REL: variants seen among roughly 807,000 people sequenced by gnomAD.
REL encodes proto-oncogene c-Rel.
REL carries 15 observed loss-of-function variants against 45.9 expected under a neutral mutation model. The observed-to-expected ratio is 0.33, with a 90% CI of 0.22 to 0.50. The LOEUF is 0.50. Among genes scored for constraint, REL ranks in the 20% least tolerant of loss-of-function variants. REL has a pLI of 0.98. For missense variants in REL, 601 were observed against 715.2 expected, an observed-to-expected ratio of 0.84 and a Z score of 1.82; for synonymous variants, 239 against 242.1, an observed-to-expected ratio of 0.99 and a Z score of 0.12.
intron 5 of REL, among the ~76,000 whole-genome samples, 191 bp from the exon 6 acceptor site, chr2:60,918,000 C>G (rs1674029690): frequency 6.6e-6 from 1 of 151,860 alleles, no homozygotes; most frequent in African/African-American, 2.4e-5. Flanking sequence ...AGAAATGAAG[C>G]CACAAAGTCT....
intron 1 of REL, among the ~76,000 whole-genome samples, chr2:60,882,704 A>C (rs1672975544): frequency 6.6e-6 from 1 of 152,106 alleles, no homozygotes; most frequent in Non-Finnish European, 1.5e-5. Flanking sequence ...TGTAGTTTTT[A>C]CTGTGAGATA....
chr2:60,905,881 A>G (rs1673633038), intron 4 of REL, among the ~76,000 whole-genome samples: 1 of 152,174 alleles, frequency 6.6e-6, no homozygotes, highest in Non-Finnish European at 1.5e-5. Context: ...TTTTGAGTTC[A>G]ATATATATAC....
At chr2:60,895,744 G>C (rs1673331125) in intron 3 of REL, among the ~76,000 whole-genome samples, 1 of 152,192 alleles carries the variant, frequency 6.6e-6, no homozygotes, top group Admixed American at 6.5e-5. Context: ...TCTTGAGCCA[G>C]CTGTTCCACT....
At chr2:60,883,618 A>G (rs1343028521) in intron 1 of REL, among the ~76,000 whole-genome samples, 1 of 152,338 alleles carries the variant, frequency 6.6e-6, no homozygotes, top group East Asian at 1.9e-4. Context: ...TTATTGATAT[A>G]TTGCATGAAT....
intron 4 of REL, among the ~76,000 whole-genome samples, chr2:60,911,959 C>G (rs1362737648): frequency 7.3e-6 from 1 of 137,838 alleles, no homozygotes; most frequent in African/African-American, 2.8e-5. Context: ...GATCGTGCCA[C>G]TGCACTCCAG....
At position 60,922,354 on chromosome 2, in the gene REL, A is replaced by T; in HGVS notation, c.1583A>T (p.Asp528Val). ...SNTTVFVSQS[D>V]AFEGSDFSCA... ...ACTACTGTTTTTGTTTCACAATCAG[A>T]TGCATTTGAGGGATCTGACTTCAGT... Residue 528 changes from aspartate (D) to valine (V), a missense_variant, in exon 10 of 10, where the codon GAT (aspartate) becomes GTT (valine). This residue lies in a region of REL where 334 missense variants were observed against 333.1 expected (regional missense o/e 1.00). Transcript: ENST00000394479. 1 of 1,614,124 alleles carries T rather than the reference A, an allele frequency of 6.2e-7. No individual in the cohort carries two copies. Among genetic ancestry groups the T allele is most frequent in the Non-Finnish European group, 8.5e-7 (1 of 1,180,002 alleles).
Position 60,927,639 on chromosome 2 carries a change from G to T in REL, c.*5104G>T, listed in dbSNP as rs1038975009. 1 of 229,948 alleles carries T rather than the reference G, an allele frequency of 4.3e-6. No individual in the cohort carries two copies. The highest frequency in any genetic ancestry group is 2.2e-5 in the African/African-American group (1 of 45,148). 14.2% of individuals were successfully genotyped at this position (229,948 alleles called of 1,614,324 possible). A position where few individuals can be genotyped will look rare whatever the true frequency, so the allele number is the denominator to read the frequency against. On this transcript the variant is annotated 3_prime_UTR_variant, in exon 10 of 10. Transcript: ENST00000394479. ...GTATAACATTTTTTGAATGTCCAAT[G>T]TGCAAAGCACGATGTTGGAAATTAT...
Position 60,881,605 on chromosome 2 carries a change from T to A in REL, c.-236T>A. ...CTCTCCCCGCTCCGCCCCCTGCCCC[T>A]GGCTCCCGTACGGTGGACGGCGACG... On this transcript the variant is annotated 5_prime_UTR_variant, in exon 1 of 10. Coordinates refer to ENST00000394479, the MANE Select transcript of REL (RefSeq NM_001291746.2). 2.0e-6 allele frequency: 1 copy of A among 504,276 alleles called. No homozygotes were observed. Among genetic ancestry groups the A allele is most frequent in the Non-Finnish European group, 3.5e-6 (1 of 283,606 alleles). 31.2% of individuals were successfully genotyped at this position (504,276 alleles called of 1,614,324 possible). A position where few individuals can be genotyped will look rare whatever the true frequency, so the allele number is the denominator to read the frequency against.
chr2:60,901,150 CTTT>C (rs10565258), intron 4 of REL, 67 bp downstream of exon 4: 39,417 of 871,966 alleles, frequency 0.045, 321 homozygotes, highest in African/African-American at 0.13. Context: ...TTTTCTTTCT[CTTT>C]TTTTTTTTTT....
At chr2:60,885,296 T>C (rs550425380) in intron 1 of REL, among the ~76,000 whole-genome samples, 27 of 152,358 alleles carry the variant, frequency 1.8e-4, no homozygotes, top group South Asian at 4.1e-4. Flanking sequence ...TTCATATTTA[T>C]CTGGGCCTCC....
At position 60,929,769 on chromosome 2, in the gene REL, T is replaced by C. The variant is rs1388200342; in HGVS notation, c.*7234T>C. 3.3e-5 allele frequency: 5 copies of C among 151,696 alleles called. No individual in the cohort carries two copies. Among genetic ancestry groups the C allele is most frequent in the African/African-American group, 7.3e-5 (3 of 41,256 alleles). 9.4% of individuals were successfully genotyped at this position (151,696 alleles called of 1,614,324 possible). On this transcript the variant is annotated 3_prime_UTR_variant, in exon 10 of 10. Coordinates refer to ENST00000394479, the MANE Select transcript of REL (RefSeq NM_001291746.2). ...CACCAGCATGGCACATGTATACATA[T>C]GTAAGTAACCTGCACAATGTGCACA...
intron 3 of REL, among the ~76,000 whole-genome samples, chr2:60,898,663 G>A (rs1187725458): frequency 1.3e-5 from 2 of 152,350 alleles, no homozygotes; most frequent in East Asian, 3.9e-4. Flanking sequence ...TTTGCAAGCT[G>A]TATGGTCTCT....
At chr2:60,883,843 A>AC (rs1673006698) in intron 1 of REL, among the ~76,000 whole-genome samples, 1 of 135,952 alleles carries the variant, frequency 7.4e-6, no homozygotes, top group East Asian at 1.9e-4. Flanking sequence ...AGGGTGATTA[A>AC]CTTTTTTTTT....
chr2:60,901,575 G>GA (rs923248412), intron 4 of REL, among the ~76,000 whole-genome samples: 5 of 152,104 alleles, frequency 3.3e-5, no homozygotes, highest in African/African-American at 7.2e-5. Context: ...CACAGTTGTT[G>GA]AAAAAAATCT....
At chr2:60,895,013 C>T (rs987200301) in intron 3 of REL, among the ~76,000 whole-genome samples, 48 of 151,170 alleles carry the variant, frequency 3.2e-4, no homozygotes, top group African/African-American at 1.1e-3. Context: ...TGCACCACCA[C>T]GCCTGGCTAA....
chr2:60,913,580 C>G (rs1673878525), intron 4 of REL, among the ~76,000 whole-genome samples: 2 of 152,224 alleles, frequency 1.3e-5, no homozygotes, highest in African/African-American at 4.8e-5. Flanking sequence ...TCAGATCCCA[C>G]ATCCTTGGCA....
In REL at chr2:60,923,416, C is replaced by T. The variant is rs907261116; in HGVS notation, c.*881C>T. On this transcript the variant is annotated 3_prime_UTR_variant, in exon 10 of 10. Transcript: ENST00000394479. ...GGGGAAGAAGTTTCCTTGGACCATT[C>T]GCCTTTCTTAGATGTCCTCACTCCC... 4 of 231,546 alleles carry T rather than the reference C, an allele frequency of 1.7e-5. No individual in the cohort carries two copies. The highest frequency in any genetic ancestry group is 1.2e-4 in the East Asian group (2 of 16,418). The allele number at this position is 231,546 out of a possible 1,614,324, so 14.3% of individuals were successfully genotyped here. A position where few individuals can be genotyped will look rare whatever the true frequency, so the allele number is the denominator to read the frequency against.
chr2:60,891,263 T>C (rs1673203033), intron 1 of REL, among the ~76,000 whole-genome samples: 1 of 152,244 alleles, frequency 6.6e-6, no homozygotes, highest in Non-Finnish European at 1.5e-5. Flanking sequence ...AGCAGTTAAA[T>C]ATATTTAACT....
rs1674361493 is a variant in REL, at chr2:60,930,437, C to T, written c.*7902C>T. On this transcript the variant is annotated 3_prime_UTR_variant, in exon 10 of 10. Coordinates refer to ENST00000394479, the MANE Select transcript of REL (RefSeq NM_001291746.2). The stretch of plus-strand genomic sequence containing the variant: ...CTTTTGGCTTATCATTTATTATAAG[C>T]CCAGAAATAGGTGACTAATCAGAGA... 1 of 152,184 alleles carries T rather than the reference C, an allele frequency of 6.6e-6. No homozygotes were observed. Among genetic ancestry groups the T allele is most frequent in the Non-Finnish European group, 1.5e-5 (1 of 68,016 alleles). 9.4% of individuals were successfully genotyped at this position (152,184 alleles called of 1,614,324 possible).
Sources: allele counts gnomAD v4.1 joint callset (sites outside exome capture counted in the v4.1 genomes callset), GRCh38; gene constraint gnomAD v4.1.1; regional missense constraint gnomAD v4.1.1; transcripts MANE v1.5; gene names NCBI Gene and HGNC (gene_info 2026-07-23, HGNC 2026-07-21).